The following MANBA variants were observed in gnomAD, a reference collection of about 807,000 sequenced individuals.
The protein encoded by MANBA is beta-mannosidase.
A neutral mutation model predicts 111.1 loss-of-function variants in MANBA; 83 were observed. The ratio of observed to expected loss-of-function variants is 0.75; its 90% CI spans 0.63 to 0.90. The LOEUF is 0.90. Ranked by LOEUF, MANBA falls within the 40% of genes least tolerant of loss-of-function variation. The pLI is 0.00. For synonymous variants in MANBA, 370 were observed against 378.7 expected (o/e 0.98, Z 0.27); for missense variants, 1,036 against 1,069.0 (o/e 0.97, Z 0.43).
intron 13 of MANBA, among the ~76,000 whole-genome samples, chr4:102,648,187 A>T (rs1180076730): frequency 1.3e-5 from 2 of 152,148 alleles, no homozygotes; most frequent in Non-Finnish European, 2.9e-5. Flanking sequence ...CTTAAAAAAA[A>T]TACATAAATT....
intron 13 of MANBA, among the ~76,000 whole-genome samples, chr4:102,646,897 G>A (rs1023512418): frequency 3.9e-5 from 6 of 152,074 alleles, no homozygotes; most frequent in Admixed American, 3.3e-4. Flanking sequence ...GGATCCAAAC[G>A]TGAAGAAATT....
chr4:102,691,746 A>G (rs1010565383), intron 5 of MANBA, among the ~76,000 whole-genome samples: 3 of 152,118 alleles, frequency 2.0e-5, no homozygotes, highest in African/African-American at 7.2e-5. Context: ...GGCCTCAAGC[A>G]ATCCTCCAGC....
chr4:102,650,794 C>A, intron 12 of MANBA, 93 bp from the exon 13 acceptor site: 1 of 989,042 alleles, frequency 1.0e-6, no homozygotes. Context: ...GTATCCTAAA[C>A]ACTAGAGAAG....
At chr4:102,712,547 T>A (rs1300861213) in intron 5 of MANBA, among the ~76,000 whole-genome samples, 1 of 144,470 alleles carries the variant, frequency 6.9e-6, no homozygotes, top group African/African-American at 2.6e-5. Context: ...TTAAACAGCA[T>A]CTCGCTCCAT....
chr4:102,712,776 A>C (rs542174971), intron 5 of MANBA, among the ~76,000 whole-genome samples: 10 of 152,028 alleles, frequency 6.6e-5, no homozygotes, highest in Non-Finnish European at 1.3e-4. Context: ...GAATCCACCC[A>C]CTTTGGCCTC....
At position 102,635,868 on chromosome 4, in the gene MANBA, G is replaced by A. The variant is rs1357620711; in HGVS notation, c.2154C>T (p.Leu718=). The change falls in exon 15 of 17, where the codon CTC becomes CTT. Residue 718 remains leucine, a synonymous_variant. Coordinates refer to ENST00000647097, the MANE Select transcript of MANBA (RefSeq NM_005908.4). ...SDLHSDYSMT[L]SVRVHTWSSL... ...GAAAACAATCCAAGTAACTTACACT[G>A]AGTGTCATCGAATAATCCGAGTGAA... 1.2e-6 allele frequency: 2 copies of A among 1,611,410 alleles called. No homozygotes were observed. Among genetic ancestry groups the A allele is most frequent in the South Asian group, 1.1e-5 (1 of 90,998 alleles).
At chr4:102,657,221 G>GTT (rs374501863) in intron 12 of MANBA, among the ~76,000 whole-genome samples, 2 of 97,018 alleles carry the variant, frequency 2.1e-5, no homozygotes, top group Admixed American at 1.0e-4. Context: ...GAGGAGTGGG[G>GTT]TGGGGGGGGG....
rs772319265 is a variant in MANBA at position 102,756,707 on chromosome 4, CA to C, written c.177+4010del. Among the ~76,000 whole-genome samples, 14 of 141,696 alleles carry C rather than the reference CA, an allele frequency of 9.9e-5. No individual in the cohort carries two copies. In the East Asian group the frequency reaches 1.7e-3, roughly 17 times the overall value. 93.0% of individuals were successfully genotyped at this position (141,696 alleles called of 152,430 possible). ...GGGCATTAGTCACATGAACAGCTGT[CA>C]AAAAAAATAGTGGTTATCTCTGGGA... On this transcript the variant is annotated intron_variant, in intron 1 of 16. Coordinates refer to ENST00000647097, the MANE Select transcript of MANBA (RefSeq NM_005908.4).
chr4:102,732,148 T>G (rs1282738937), intron 1 of MANBA, among the ~76,000 whole-genome samples: 1 of 152,152 alleles, frequency 6.6e-6, no homozygotes, highest in Non-Finnish European at 1.5e-5. Flanking sequence ...TGACCTCAGG[T>G]GATCTGCCTG....
chr4:102,677,150 TAGAA>T (rs142798504), intron 7 of MANBA, among the ~76,000 whole-genome samples: 8,009 of 152,206 alleles, frequency 0.053, 649 homozygotes, highest in African/African-American at 0.18. Flanking sequence ...TTTTACTTGA[TAGAA>T]AGAAGGACTG....
Position 102,729,175 on chromosome 4 carries a change from C to G in MANBA, c.178-2492G>C, listed in dbSNP as rs139819592. The G allele has an allele frequency of 5.3e-3, 3,859 of 722,006 alleles. 75 individuals are homozygous for G. The highest frequency in any genetic ancestry group is 0.043 in the African/African-American group (2,482 of 57,820). 44.7% of individuals were successfully genotyped at this position (722,006 alleles called of 1,614,324 possible). On this transcript the variant is annotated intron_variant, in intron 1 of 16. Coordinates refer to ENST00000647097, the MANE Select transcript of MANBA (RefSeq NM_005908.4). ...TGTGCTGCAGACATCTGTGATGGTG[C>G]CCTCCAGGGAAGCCCTCTGGCCTTT...
At chr4:102,727,525 C>T (rs1368929416) in intron 1 of MANBA, 14 of 1,575,340 alleles carry the variant, frequency 8.9e-6, no homozygotes, top group African/African-American at 1.4e-5. Flanking sequence ...GATGAGGGGC[C>T]GTAGCTGCTG....
intron 1 of MANBA, among the ~76,000 whole-genome samples, chr4:102,733,912 T>C (rs1261050991): frequency 6.6e-6 from 1 of 152,226 alleles, no homozygotes; most frequent in Admixed American, 6.5e-5. Flanking sequence ...GAAAAAACTA[T>C]GGAGACAGTG....
Position 102,631,541 on chromosome 4 carries a change from A to G in MANBA, c.*516T>C, listed in dbSNP as rs562838260. 5.2e-4 allele frequency: 207 copies of G among 398,614 alleles called. 1 individual carries two copies. In the East Asian group the frequency reaches 7.2e-3, roughly 14 times the overall value. The allele number at this position is 398,614 out of a possible 1,614,324, so 24.7% of individuals were successfully genotyped here. ...TTTATTTTTATATAATTTCACATGTACAGAAAAATACCCATATACCTTTAC... is the reference window on the plus strand; with the variant it reads ...TTTATTTTTATATAATTTCACATGTGCAGAAAAATACCCATATACCTTTAC... On this transcript the variant is annotated 3_prime_UTR_variant, in exon 17 of 17. Coordinates refer to ENST00000647097, the MANE Select transcript of MANBA (RefSeq NM_005908.4).
chr4:102,698,950 T>A (rs1425475286), intron 5 of MANBA, among the ~76,000 whole-genome samples: 1 of 152,230 alleles, frequency 6.6e-6, no homozygotes, highest in Non-Finnish European at 1.5e-5. Context: ...CCTTGGGCAG[T>A]ATGGCCATTT....
At chr4:102,651,977 A>T (rs1417639862) in intron 12 of MANBA, among the ~76,000 whole-genome samples, 1 of 152,166 alleles carries the variant, frequency 6.6e-6, no homozygotes, top group African/African-American at 2.4e-5. Flanking sequence ...TAATTGACAC[A>T]ATAAGTGTAC....
chr4:102,659,755 A>G (rs1730841376), intron 11 of MANBA, among the ~76,000 whole-genome samples: 1 of 152,146 alleles, frequency 6.6e-6, no homozygotes, highest in Non-Finnish European at 1.5e-5. Flanking sequence ...TAAATAAAGC[A>G]GTTCTTTCTG....
At chr4:102,689,708 CT>C (rs1560775375) in intron 6 of MANBA, 24 bp from the exon 7 acceptor site, 1 of 1,346,856 alleles carries the variant, frequency 7.4e-7, no homozygotes, top group South Asian at 1.2e-5. Context: ...TTAAAAGTCA[CT>C]CTAATATGTC....
intron 5 of MANBA, among the ~76,000 whole-genome samples, chr4:102,696,287 T>C (rs1732704467): frequency 6.6e-6 from 1 of 152,198 alleles, no homozygotes; most frequent in African/African-American, 2.4e-5. Context: ...GACCCTCTGC[T>C]AAACGTGTAT....
Sources: gnomAD v4.1 joint callset for allele counts (sites outside exome capture counted in the v4.1 genomes callset) on GRCh38, gnomAD v4.1.1 for gene constraint, MANE v1.5 for transcripts, NCBI Gene and HGNC (gene_info 2026-07-23, HGNC 2026-07-21) for gene names.